The following SMIM27 variants were observed in gnomAD, a reference collection of about 807,000 sequenced individuals.
SMIM27 encodes transition zone microprotein 1, also known as TOPORS antisense RNA 1 (non-protein coding).
A neutral mutation model predicts 1.8 loss-of-function variants in SMIM27; 3 were observed. The observed-to-expected ratio is 1.65, with a 90% CI of 0.75 to 4.28. The LOEUF (loss-of-function observed/expected upper bound fraction) is 4.28, where lower values mean the gene tolerates loss of function less well. Among genes scored for constraint, SMIM27 ranks in the 30% most tolerant of loss-of-function variants. SMIM27 has a pLI of 0.02. For missense variants in SMIM27, 63 were observed against 37.0 expected, an observed-to-expected ratio of 1.70 and a Z score of -1.83; for synonymous variants, 19 against 13.9, an observed-to-expected ratio of 1.37 and a Z score of -0.82.
At chr9:32,557,859 G>C (rs906580170), downstream of SMIM27, among the ~76,000 whole-genome samples, 1 of 152,098 alleles carries the variant, frequency 6.6e-6, no homozygotes, top group Non-Finnish European at 1.5e-5. Context: ...TTCCCCTGTT[G>C]CAACAGATAA....
At chr9:32,552,271 A>G, upstream of SMIM27, 1 of 972,922 alleles carries the variant, frequency 1.0e-6, no homozygotes, top group Middle Eastern at 2.1e-4. Context: ...CCGCCCCCCA[A>G]CTCCGGGCGG....
Position 32,563,491 on chromosome 9 carries a change from C to CTTTTTTTTTTT in SMIM27, c.46-2897_46-2887dup, listed in dbSNP as rs111646430. ...CTCCTGAACAGGTGGGACTATTGGG[C>CTTTTTTTTTTT]TTTTTTTTTTTTTGGAGGGATGGGG... is the stretch of plus-strand genomic sequence containing the variant. On this transcript the variant is annotated intron_variant, in intron 1 of 1. Transcript: ENST00000451672. Among the ~76,000 whole-genome samples, 46 of 91,988 alleles carry CTTTTTTTTTTT rather than the reference C, an allele frequency of 5.0e-4. 7 individuals carry two copies. Among genetic ancestry groups the CTTTTTTTTTTT allele is most frequent in the African/African-American group, 1.0e-3 (23 of 22,588 alleles). The allele number at this position is 91,988 out of a possible 152,430, so 60.3% of individuals were successfully genotyped here.
intron 1 of SMIM27, among the ~76,000 whole-genome samples, chr9:32,559,677 T>C (rs570524717): frequency 6.6e-6 from 1 of 152,312 alleles, no homozygotes; most frequent in South Asian, 2.1e-4. Context: ...TCTTCAAAGA[T>C]CACTTCCTCA....
chr9:32,558,764 T>C (rs1007546351), intron 1 of SMIM27: 3 of 498,126 alleles, frequency 6.0e-6, no homozygotes, highest in Non-Finnish European at 1.0e-5. Flanking sequence ...TTGTTTTGTT[T>C]TGTTTTTTAC....
intron 1 of SMIM27, among the ~76,000 whole-genome samples, chr9:32,560,756 G>C (rs533234959): frequency 6.6e-6 from 1 of 152,238 alleles, no homozygotes; most frequent in South Asian, 2.1e-4. Context: ...TGTTTCAGAA[G>C]AGTTCAACTT....
At chr9:32,551,361 T>C (rs1821254011), upstream of SMIM27, 1 of 350,698 alleles carries the variant, frequency 2.9e-6, no homozygotes, top group African/African-American at 2.1e-5. Context: ...TTGAAGTCTC[T>C]CACCTCCTGT....
chr9:32,563,028 TGAGG>T (rs1456930839), intron 1 of SMIM27, among the ~76,000 whole-genome samples: 1 of 152,264 alleles, frequency 6.6e-6, no homozygotes, highest in African/African-American at 2.4e-5. Context: ...ATGCCAATAA[TGAGG>T]GAGAACAGCC....
upstream of SMIM27, chr9:32,552,263 GCCC>G (rs771741214): frequency 1.2e-6 from 1 of 853,074 alleles, no homozygotes; most frequent in African/African-American, 1.7e-5. Context: ...ACGTGATACC[GCCC>G]CCCAACTCCG....
At chr9:32,564,510 C>CG (rs1821721237) in intron 1 of SMIM27, among the ~76,000 whole-genome samples, 1 of 95,062 alleles carries the variant, frequency 1.1e-5, no homozygotes, top group South Asian at 3.3e-4. Flanking sequence ...AAATATTACA[C>CG]TTTTTTAAAA....
rs111646430 is a variant in SMIM27, at chr9:32,563,491, C to CTTTTTTTTT, written c.46-2895_46-2887dup. ...CTCCTGAACAGGTGGGACTATTGGG[C>CTTTTTTTTT]TTTTTTTTTTTTTGGAGGGATGGGG... On this transcript the variant is annotated intron_variant, in intron 1 of 1. Transcript: ENST00000451672. Among the ~76,000 whole-genome samples, 14 of 91,992 alleles carry CTTTTTTTTT rather than the reference C, an allele frequency of 1.5e-4. 1 individual carries two copies. Among genetic ancestry groups the CTTTTTTTTT allele is most frequent in the Admixed American group, 1.1e-4 (1 of 8,778 alleles). 60.4% of individuals were successfully genotyped at this position (91,992 alleles called of 152,430 possible).
upstream of SMIM27, chr9:32,552,164 C>T: frequency 2.0e-6 from 1 of 497,402 alleles, no homozygotes; most frequent in Non-Finnish European, 3.5e-6. Flanking sequence ...ACGCCTATCT[C>T]CTTAGTTGGC....
chr9:32,560,557 G>A (rs1298717999), intron 1 of SMIM27, among the ~76,000 whole-genome samples: 1 of 152,044 alleles, frequency 6.6e-6, no homozygotes, highest in South Asian at 2.1e-4. Context: ...GGCTAACAGA[G>A]GTTTTAAAAA....
At chr9:32,558,809 G>A in intron 1 of SMIM27, 1 of 805,284 alleles carries the variant, frequency 1.2e-6, no homozygotes, top group Non-Finnish European at 1.9e-6. Flanking sequence ...AACCGAAAGT[G>A]AGAAGGAAAG....
downstream of SMIM27, chr9:32,553,515 C>A: frequency 4.7e-6 from 1 of 212,822 alleles, no homozygotes; most frequent in South Asian, 6.3e-5. Context: ...AACAAAAGTG[C>A]ATGGAATTGC....
chr9:32,555,180 A>G (rs138360149), downstream of SMIM27, among the ~76,000 whole-genome samples: 2 of 152,346 alleles, frequency 1.3e-5, no homozygotes, highest in East Asian at 3.9e-4. Context: ...TGGGAGTCCA[A>G]GGCAGGAGGA....
chr9:32,561,687 A>G (rs1821631065), intron 1 of SMIM27, among the ~76,000 whole-genome samples: 1 of 152,162 alleles, frequency 6.6e-6, no homozygotes, highest in Non-Finnish European at 1.5e-5. Context: ...CCCTACTTGT[A>G]ATTTCCAAGG....
chr9:32,551,254 C>CA, upstream of SMIM27: 1 of 571,964 alleles, frequency 1.7e-6, no homozygotes, highest in Non-Finnish European at 3.1e-6. Context: ...ACCCGGAAAA[C>CA]ACGAGAACTA....
rs978051579 is a variant in SMIM27, at chr9:32,552,909, A to C, written c.154A>C (p.Asn52His). Residue 52 changes from asparagine (N) to histidine (H), a missense_variant, in exon 2 of 2, where the codon AAT becomes CAT. By Grantham distance (68) the Asn-to-His change is moderately conservative. Coordinates refer to ENST00000692500, the MANE Select transcript of SMIM27 (RefSeq NM_001387564.1). The part of the protein sequence containing the change: ...KKYPDKIFGT[N>H]ENL ...ATACCCAGACAAAATCTTTGGGACG[A>C]ATGAAAATTTGTAACTCTTCTGGAT... 2 of 702,078 alleles carry C rather than the reference A, an allele frequency of 2.8e-6. No individual in the cohort carries two copies. Among genetic ancestry groups the C allele is most frequent in the African/African-American group, 3.5e-5 (2 of 57,216 alleles). The allele number at this position is 702,078 out of a possible 1,614,324, so 43.5% of individuals were successfully genotyped here.
exon 2 of SMIM27, chr9:32,566,555 G>T: frequency 1.3e-6 from 1 of 776,772 alleles, no homozygotes; most frequent in Non-Finnish European, 2.4e-6. Context: ...AGCTGCCGTC[G>T]TACTGCACAG....
Sources: gnomAD v4.1 joint callset for allele counts (sites outside exome capture counted in the v4.1 genomes callset) on GRCh38, gnomAD v4.1.1 for gene constraint, MANE v1.5 for transcripts, NCBI Gene and HGNC (gene_info 2026-07-23, HGNC 2026-07-21) for gene names.